RCOR1: variants seen among roughly 807,000 people sequenced by gnomAD.
RCOR1 encodes REST corepressor 1.
A neutral mutation model predicts 64.0 loss-of-function variants in RCOR1; 12 were observed. That is an observed-to-expected ratio of 0.19 (90% CI 0.12 to 0.30). RCOR1 has a LOEUF of 0.30. Among genes scored for constraint, RCOR1 ranks in the 10% least tolerant of loss-of-function variants. The probability of loss-of-function intolerance (pLI) is 1.00; values close to 1 mark genes in which losing one functional copy is unlikely to be tolerated. For synonymous variants in RCOR1, 279 were observed against 227.2 expected, an observed-to-expected ratio of 1.23 and a Z score of -2.05; for missense variants, 502 against 621.2, an observed-to-expected ratio of 0.81 and a Z score of 2.04.
At chr14:102,714,345 G>A in intron 7 of RCOR1, 78 bp from the exon 8 acceptor site, 2 of 923,842 alleles carry the variant, frequency 2.2e-6, no homozygotes, top group Non-Finnish European at 3.2e-6. Flanking sequence ...TTGGTGCCAT[G>A]TTAAGGAAAT....
At chr14:102,705,490 G>A (rs1895832921) in intron 4 of RCOR1, among the ~76,000 whole-genome samples, 3 of 152,166 alleles carry the variant, frequency 2.0e-5, no homozygotes, top group Admixed American at 6.5e-5. Flanking sequence ...TGTCATCCAT[G>A]CTGGAGTGCA....
At chr14:102,682,795 G>GT (rs1301802706) in intron 3 of RCOR1, among the ~76,000 whole-genome samples, 1 of 152,196 alleles carries the variant, frequency 6.6e-6, no homozygotes, top group African/African-American at 2.4e-5. Flanking sequence ...ATCATTCAGT[G>GT]TTCACAGTAA....
At chr14:102,697,466 A>T (rs1317256455) in intron 3 of RCOR1, among the ~76,000 whole-genome samples, 1 of 152,202 alleles carries the variant, frequency 6.6e-6, no homozygotes, top group Non-Finnish European at 1.5e-5. Flanking sequence ...CACCCCAGGC[A>T]TTCATTCAGC....
chr14:102,663,450 A>G (rs1257156593), intron 2 of RCOR1, among the ~76,000 whole-genome samples: 1 of 152,230 alleles, frequency 6.6e-6, no homozygotes, highest in African/African-American at 2.4e-5. Flanking sequence ...TTTTGTAAGG[A>G]ACTCTTACAA....
rs1896268048 is a variant in RCOR1, at chr14:102,726,538, C to G, written c.*32C>G. On this transcript the variant is annotated 3_prime_UTR_variant, in exon 12 of 12. Coordinates refer to ENST00000262241, the MANE Select transcript of RCOR1 (RefSeq NM_015156.4). ...GGTGGCTTTGAACACTTGGTGTGGA[C>G]TACTGTGTTATCCGGGATATCAGGT... 1 of 1,569,590 alleles carries G rather than the reference C, an allele frequency of 6.4e-7. No individual in the cohort carries two copies. Among genetic ancestry groups the G allele is most frequent in the African/African-American group, 1.4e-5 (1 of 72,858 alleles).
intron 5 of RCOR1, 58 bp from the exon 6 acceptor site, chr14:102,708,406 AT>A: frequency 9.5e-7 from 1 of 1,057,446 alleles, no homozygotes. Flanking sequence ...GGCCTTAAAC[AT>A]TTGATTTTTA....
At position 102,729,026 on chromosome 14, in the gene RCOR1, G is replaced by A. The variant is rs936429400; in HGVS notation, c.*2520G>A. 2 of 152,566 alleles carry A rather than the reference G, an allele frequency of 1.3e-5. No individual in the cohort carries two copies. Among genetic ancestry groups the A allele is most frequent in the Admixed American group, 1.3e-4 (2 of 15,276 alleles). 9.5% of individuals were successfully genotyped at this position (152,566 alleles called of 1,614,324 possible). A position where few individuals can be genotyped will look rare whatever the true frequency, so the allele number is the denominator to read the frequency against. On this transcript the variant is annotated 3_prime_UTR_variant, in exon 12 of 12. Transcript: ENST00000262241. ...TAGGTGCATTGGCAGGTAGGGTTTG[G>A]GGTGTGATAACTGCTTCAGATGGAA...
At chr14:102,623,384 TTTATTATTTA>T (rs756528639) in intron 2 of RCOR1, among the ~76,000 whole-genome samples, 3,478 of 136,406 alleles carry the variant, frequency 0.025, 126 homozygotes, top group African/African-American at 0.097. Flanking sequence ...CCTTTATTTA[TTTATTATTTA>T]TTTATTTATT....
chr14:102,694,321 A>G (rs1895599925), intron 3 of RCOR1, among the ~76,000 whole-genome samples: 2 of 152,106 alleles, frequency 1.3e-5, no homozygotes, highest in Admixed American at 1.3e-4. Context: ...CAGTGGCACA[A>G]TCTCAGCTCA....
At chr14:102,673,088 A>T (rs1034285544) in intron 2 of RCOR1, among the ~76,000 whole-genome samples, 2 of 152,258 alleles carry the variant, frequency 1.3e-5, no homozygotes, top group African/African-American at 4.8e-5. Context: ...TTACAAAGCA[A>T]GATCTTCCTC....
At chr14:102,651,924 C>G (rs2139930246) in intron 2 of RCOR1, among the ~76,000 whole-genome samples, 1 of 152,274 alleles carries the variant, frequency 6.6e-6, no homozygotes, top group East Asian at 1.9e-4. Flanking sequence ...GGCTGAAGGT[C>G]TCTCAAATTG....
In RCOR1 at chr14:102,593,110, C is replaced by T. The variant is rs770628921; in HGVS notation, c.224C>T (p.Ala75Val). 1.2e-5 allele frequency: 18 copies of T among 1,504,054 alleles called. No homozygotes were observed. Among genetic ancestry groups the T allele is most frequent in the African/African-American group, 8.7e-5 (6 of 68,612 alleles). 93.2% of individuals were successfully genotyped at this position (1,504,054 alleles called of 1,614,324 possible). ...PNNGQNKSLA[A>V]AAPNGNSSSN... ...AATGGCCAGAATAAAAGTTTGGCGGCGGCGGCGCCCAATGGCAACAGCAGC... is the reference window on the plus strand; with the variant it reads ...AATGGCCAGAATAAAAGTTTGGCGGTGGCGGCGCCCAATGGCAACAGCAGC... Residue 75 changes from alanine to valine, a missense_variant, in exon 1 of 12, where the codon GCG becomes GTG. Ala to Val is a moderately conservative substitution (Grantham distance 64). Coordinates refer to ENST00000262241, the MANE Select transcript of RCOR1 (RefSeq NM_015156.4).
chr14:102,620,251 A>C (rs111631677), intron 2 of RCOR1, among the ~76,000 whole-genome samples: 2,007 of 143,408 alleles, frequency 0.014, 19 homozygotes, highest in Admixed American at 0.023. Context: ...ACACACACAC[A>C]CCCCCCCACA....
rs530001856 is a variant in RCOR1, at chr14:102,592,698, C to T, written c.-189C>T. On this transcript the variant is annotated 5_prime_UTR_variant, in exon 1 of 12. Transcript: ENST00000262241. ...ATGAGAGCGAAAGTTGCGCTCGGCT[C>T]GTCGCTGGGGGCTTGAAGCGGCTCC... The T allele has an allele frequency of 2.4e-6, 3 of 1,227,586 alleles. No homozygotes were observed. The highest frequency in any genetic ancestry group is 6.4e-5 in the East Asian group (2 of 31,452). The allele number at this position is 1,227,586 out of a possible 1,614,324, so 76.0% of individuals were successfully genotyped here.
intron 2 of RCOR1, among the ~76,000 whole-genome samples, chr14:102,613,392 G>A (rs1442431211): frequency 2.0e-5 from 3 of 151,472 alleles, no homozygotes; most frequent in Non-Finnish European, 2.9e-5. Flanking sequence ...GTGAGCCATC[G>A]CACCTGGCCT....
chr14:102,622,198 C>G (rs1036369771), intron 2 of RCOR1, among the ~76,000 whole-genome samples: 2 of 152,120 alleles, frequency 1.3e-5, no homozygotes, highest in African/African-American at 4.8e-5. Flanking sequence ...TAAGAATAAC[C>G]TTTTTATCTA....
At chr14:102,670,165 G>C (rs1395471742) in intron 2 of RCOR1, among the ~76,000 whole-genome samples, 1 of 152,092 alleles carries the variant, frequency 6.6e-6, no homozygotes, top group African/African-American at 2.4e-5. Context: ...TGGACAGGCT[G>C]GTCTCAAACT....
In RCOR1 at chr14:102,729,736, A is replaced by C. The variant is rs550744337; in HGVS notation, c.*3230A>C. 2.5e-6 allele frequency: 1 copy of C among 398,282 alleles called. No homozygotes were observed. The highest frequency in any genetic ancestry group is 1.4e-4 in the South Asian group (1 of 7,258). 24.7% of individuals were successfully genotyped at this position (398,282 alleles called of 1,614,324 possible). A position where few individuals can be genotyped will look rare whatever the true frequency, so the allele number is the denominator to read the frequency against. On this transcript the variant is annotated 3_prime_UTR_variant, in exon 12 of 12. Transcript: ENST00000262241. ...CGATACCCTATTTTTGTCATTCTAA[A>C]TATCAGATGTACTATTGGTATAATT...
intron 2 of RCOR1, among the ~76,000 whole-genome samples, chr14:102,623,375 C>T (rs910245802): frequency 2.9e-5 from 4 of 137,968 alleles, no homozygotes; most frequent in Admixed American, 2.1e-4. Context: ...AATTTACTTC[C>T]TTTATTTATT....
Sources: allele counts gnomAD v4.1 joint callset (sites outside exome capture counted in the v4.1 genomes callset), GRCh38; gene constraint gnomAD v4.1.1; transcripts MANE v1.5; gene names NCBI Gene and HGNC (gene_info 2026-07-23, HGNC 2026-07-21).